The following RP1 variants were observed in gnomAD, a reference collection of about 807,000 sequenced individuals.
RP1 encodes the protein oxygen-regulated protein 1.
A neutral mutation model predicts 14.8 loss-of-function variants in RP1; 16 were observed. The ratio of observed to expected loss-of-function variants is 1.08; its 90% CI spans 0.73 to 1.65. RP1 has a LOEUF of 1.65. Among genes scored for constraint, RP1 ranks in the 40% most tolerant of loss-of-function variants. The pLI is 0.00. For synonymous variants in RP1, 876 were observed against 883.6 expected, an observed-to-expected ratio of 0.99 and a Z score of 0.15; for missense variants, 2,631 against 2,535.0, an observed-to-expected ratio of 1.04 and a Z score of -0.81.
chr8:54,870,109 T>C lies in RP1; in HGVS notation c.*167T>C, dbSNP rs538193920. The C allele has an allele frequency of 1.3e-4, 51 of 387,008 alleles. 1 individual carries two copies. The South Asian group carries it at 6.5e-3, about 49-fold the overall frequency. The allele number at this position is 387,008 out of a possible 1,614,324, so 24.0% of individuals were successfully genotyped here. A position where few individuals can be genotyped will look rare whatever the true frequency, so the allele number is the denominator to read the frequency against. On this transcript the variant is annotated 3_prime_UTR_variant, in exon 29 of 29. Transcript: ENST00000637698. ...AACTTCCAAAATTGGGAGGATGCACTGACAGCCTCCGCCAACAGCTGACCA... is the reference window on the plus strand; with the variant it reads ...AACTTCCAAAATTGGGAGGATGCACCGACAGCCTCCGCCAACAGCTGACCA...
intron 1 of RP1, among the ~76,000 whole-genome samples, chr8:54,602,759 C>G (rs1401856441): frequency 1.3e-5 from 2 of 152,046 alleles, no homozygotes; most frequent in Admixed American, 1.3e-4. Flanking sequence ...TCTCATTGTG[C>G]TTTTGATTTG....
intron 24 of RP1, among the ~76,000 whole-genome samples, chr8:54,829,375 A>G (rs1811465766): frequency 6.6e-6 from 1 of 152,210 alleles, no homozygotes; most frequent in African/African-American, 2.4e-5. Context: ...TATATTTTTA[A>G]AAATACGGTT....
intron 24 of RP1, among the ~76,000 whole-genome samples, chr8:54,811,297 C>A (rs1400640041): frequency 6.6e-6 from 1 of 152,152 alleles, no homozygotes; most frequent in Admixed American, 6.5e-5. Context: ...GGCCCTCCTG[C>A]CAGGCTGCTT....
At chr8:54,602,656 G>C (rs1796817139) in intron 1 of RP1, among the ~76,000 whole-genome samples, 1 of 152,222 alleles carries the variant, frequency 6.6e-6, no homozygotes, top group Non-Finnish European at 1.5e-5. Context: ...CCCAGTAACA[G>C]TGTAAAAGTG....
chr8:54,563,513 A>C (rs1286035112), intron 1 of RP1, among the ~76,000 whole-genome samples: 1 of 134,788 alleles, frequency 7.4e-6, no homozygotes, highest in Non-Finnish European at 1.6e-5. Context: ...AGTGTCAGCT[A>C]TTATTACTAT....
chr8:54,857,342 T>C lies in RP1; in HGVS notation c.4069+236T>C, dbSNP rs375948542. 1.1e-4 allele frequency among the ~76,000 whole-genome samples: 16 copies of C among 147,616 alleles called. No individual in the cohort carries two copies. The South Asian group carries it at 3.4e-3, about 31-fold the overall frequency. ...TTATAATATATTTATAGAATATATA[T>C]TTATAAATCATAAATTTACATTAAA... On this transcript the variant is annotated intron_variant, in intron 27 of 28. Coordinates refer to the RP1 transcript ENST00000637698.
intron 1 of RP1, among the ~76,000 whole-genome samples, chr8:54,598,730 C>T (rs574049579): frequency 2.3e-3 from 356 of 152,186 alleles, no homozygotes; most frequent in Non-Finnish European, 3.4e-3. Context: ...ATATTTTTGC[C>T]GGACATAGAA....
chr8:54,852,566 C>T lies in RP1; in HGVS notation c.3836-8C>T, dbSNP rs1035096264. 3 of 1,229,792 alleles carry T rather than the reference C, an allele frequency of 2.4e-6. No homozygotes were observed. In the African/African-American group the frequency reaches 4.7e-5, roughly 19 times the overall value. The allele number at this position is 1,229,792 out of a possible 1,614,324, so 76.2% of individuals were successfully genotyped here. A position where few individuals can be genotyped will look rare whatever the true frequency, so the allele number is the denominator to read the frequency against. ...GAGAAAGATAATATCAGATTTCTTA[C>T]ATTTCAGTGGTGCTTTATGAGATTC... On this transcript the variant is annotated splice_region_variant and splice_polypyrimidine_tract_variant and intron_variant, in intron 25 of 28. Transcript: ENST00000637698.
Position 54,625,546 on chromosome 8 carries a change from A to C in RP1, c.1664A>C (p.Gln555Pro). Residue 555 changes from glutamine to proline, a missense_variant, in exon 4 of 4, where the codon CAG becomes CCG. Coordinates refer to ENST00000220676, the MANE Select transcript of RP1 (RefSeq NM_006269.2). Reference protein sequence around the residue: ...ISAGVIEITSQKMLEMSHNNG... With the variant: ...ISAGVIEITSPKMLEMSHNNG... ...GCTGGTGTTATAGAAATTACAAGTCAGAAGATGTTAGAGATGTCACATAAT... is the reference window on the plus strand; with the variant it reads ...GCTGGTGTTATAGAAATTACAAGTCCGAAGATGTTAGAGATGTCACATAAT... The C allele has an allele frequency of 1.2e-6, 2 of 1,614,068 alleles. No individual in the cohort carries two copies. The highest frequency in any genetic ancestry group is 2.2e-5 in the South Asian group (2 of 91,076).
chr8:54,659,223 T>C (rs1806824657), intron 6 of RP1, among the ~76,000 whole-genome samples: 1 of 152,190 alleles, frequency 6.6e-6, no homozygotes, highest in South Asian at 2.1e-4. Flanking sequence ...AGTTTTTAAG[T>C]TTGATGTAGC....
chr8:54,767,776 T>A (rs1419917548), intron 22 of RP1, among the ~76,000 whole-genome samples: 2 of 152,190 alleles, frequency 1.3e-5, no homozygotes, highest in Non-Finnish European at 1.5e-5. Flanking sequence ...AAAACATAAC[T>A]AATAAAGTAA....
intron 10 of RP1, chr8:54,679,506 A>G: frequency 2.0e-6 from 3 of 1,535,846 alleles, no homozygotes; most frequent in Non-Finnish European, 1.7e-6. Context: ...AGTAGGTATC[A>G]TGTATACACA....
Position 54,629,336 on chromosome 8 carries a change from C to CT in RP1, c.5457dup (p.Asn1820Ter). The CT allele has an allele frequency of 6.2e-7, 1 of 1,614,058 alleles. No homozygotes were observed. Among genetic ancestry groups the CT allele is most frequent in the Non-Finnish European group, 8.5e-7 (1 of 1,179,950 alleles). On this transcript the variant is annotated frameshift_variant, in exon 4 of 4. Transcript: ENST00000220676. LOFTEE classifies it low-confidence loss of function (END_TRUNC). ...AACCCCTTGAACTAAAATGCAATTA[C>CT]TTTAACATGCCTCATGGTAGTGACT...
intron 25 of RP1, among the ~76,000 whole-genome samples, chr8:54,843,390 T>C (rs2129405293): frequency 6.6e-6 from 1 of 152,170 alleles, no homozygotes; most frequent in East Asian, 1.9e-4. Flanking sequence ...CCCAGAGGTA[T>C]TTCTTTTTCA....
chr8:54,687,743 C>T (rs984554952), intron 12 of RP1, among the ~76,000 whole-genome samples: 9 of 152,132 alleles, frequency 5.9e-5, no homozygotes, highest in African/African-American at 2.2e-4. Flanking sequence ...CAAGACTTTG[C>T]TACTGTGAAC....
At chr8:54,573,443 CAA>C (rs1381938638) in intron 1 of RP1, among the ~76,000 whole-genome samples, 1 of 152,082 alleles carries the variant, frequency 6.6e-6, no homozygotes, top group Non-Finnish European at 1.5e-5. Flanking sequence ...AGGAGAAAGA[CAA>C]AGAGAATGAC....
At chr8:54,694,761 A>C (rs1807814180) in intron 12 of RP1, among the ~76,000 whole-genome samples, 1 of 151,958 alleles carries the variant, frequency 6.6e-6, no homozygotes, top group African/African-American at 2.4e-5. Context: ...TGATCTTTTC[A>C]AAAAACCACC....
chr8:54,810,271 T>G (rs1810958983), intron 24 of RP1, among the ~76,000 whole-genome samples: 1 of 152,200 alleles, frequency 6.6e-6, no homozygotes, highest in Non-Finnish European at 1.5e-5. Flanking sequence ...AGAACTCAGG[T>G]GGCTGTTTTG....
At chr8:54,854,096 G>A (rs1585749325) in intron 26 of RP1, among the ~76,000 whole-genome samples, 1 of 152,162 alleles carries the variant, frequency 6.6e-6, no homozygotes, top group East Asian at 1.9e-4. Context: ...TAATGGATCT[G>A]CAGTTTTAAT....
Sources: allele counts gnomAD v4.1 joint callset (sites outside exome capture counted in the v4.1 genomes callset), GRCh38; gene constraint gnomAD v4.1.1; transcripts MANE v1.5; gene names NCBI Gene and HGNC (gene_info 2026-07-23, HGNC 2026-07-21).